PTPRD: variants seen among roughly 807,000 people sequenced by gnomAD.
The protein encoded by PTPRD is protein tyrosine phosphatase receptor type D, also known as receptor-type tyrosine-protein phosphatase delta.
PTPRD carries 34 observed loss-of-function variants against 214.5 expected under a neutral mutation model. The ratio of observed to expected loss-of-function variants is 0.16; its 90% confidence interval spans 0.12 to 0.21. The LOEUF (loss-of-function observed/expected upper bound fraction) is 0.21, where lower values mean the gene tolerates loss of function less well. Ranked by LOEUF, PTPRD falls within the 10% of genes least tolerant of loss-of-function variation. The pLI, the probability that PTPRD is intolerant of heterozygous loss-of-function variation, is 1.00. For missense variants in PTPRD, 2,545 were observed against 2,398.7 expected (o/e 1.06, Z -1.27); for synonymous variants, 1,128 against 845.7 (o/e 1.33, Z -5.79).
intron 3 of PTPRD, among the ~76,000 whole-genome samples, chr9:10,200,644 C>T (rs1244191665): frequency 1.3e-5 from 2 of 151,974 alleles, no homozygotes; most frequent in African/African-American, 4.8e-5. Flanking sequence ...AACAGAATCA[C>T]AAAGACATAT....
At chr9:10,598,711 GGTGTGTGTGTGTGTGTGT>G (rs34859013) in intron 2 of PTPRD, among the ~76,000 whole-genome samples, 1 of 137,076 alleles carries the variant, frequency 7.3e-6, no homozygotes, top group Admixed American at 7.8e-5. Context: ...TGTGGTGTGT[GGTGTGTGTGTGTGTGTGT>G]GTGTAGATGG....
intron 3 of PTPRD, among the ~76,000 whole-genome samples, chr9:10,105,726 AT>A (rs1318518157): frequency 6.6e-6 from 1 of 151,840 alleles, no homozygotes; most frequent in African/African-American, 2.4e-5. Flanking sequence ...ATATTATTGT[AT>A]ATAAGAAGCT....
At chr9:8,500,583 A>AAAAAAAAAAG (rs1563868169) in intron 24 of PTPRD, among the ~76,000 whole-genome samples, 171 bp downstream of exon 24, 7 of 146,318 alleles carry the variant, frequency 4.8e-5, no homozygotes, top group South Asian at 2.2e-4. Flanking sequence ...AAAAAAAAAA[A>AAAAAAAAAAG]AAAAAAAGGC....
intron 12 of PTPRD, among the ~76,000 whole-genome samples, chr9:8,694,832 G>C (rs1203923353): frequency 2.0e-5 from 3 of 151,684 alleles, no homozygotes; most frequent in Admixed American, 1.3e-4. Flanking sequence ...CTTCTTTGTT[G>C]TTCTCTTTCT....
At chr9:8,432,530 C>T (rs557234903) in intron 35 of PTPRD, among the ~76,000 whole-genome samples, 4 of 152,268 alleles carry the variant, frequency 2.6e-5, no homozygotes, top group Admixed American at 6.5e-5. Flanking sequence ...AAATTAGCTT[C>T]GTGCATCTTA....
chr9:9,784,553 G>T (rs1037474439), intron 5 of PTPRD, among the ~76,000 whole-genome samples: 23 of 151,882 alleles, frequency 1.5e-4, no homozygotes, highest in Non-Finnish European at 1.3e-4. Context: ...CCATAAGGGA[G>T]CTCTAAAGTC....
intron 3 of PTPRD, among the ~76,000 whole-genome samples, chr9:10,246,100 A>T (rs1192890200): frequency 6.6e-6 from 1 of 152,146 alleles, no homozygotes. Context: ...ATACTTCACA[A>T]TAATGGTTAA....
chr9:8,560,299 A>G (rs2085654231), intron 14 of PTPRD, among the ~76,000 whole-genome samples: 1 of 152,184 alleles, frequency 6.6e-6, no homozygotes, highest in South Asian at 2.1e-4. Flanking sequence ...AAGAGATAAC[A>G]TGATCTATCT....
At chr9:9,275,584 G>T (rs1945295040) in intron 9 of PTPRD, among the ~76,000 whole-genome samples, 2 of 151,152 alleles carry the variant, frequency 1.3e-5, no homozygotes, top group Non-Finnish European at 3.0e-5. Context: ...TTCTGCTTAG[G>T]TTGGTCTAGA....
intron 3 of PTPRD, among the ~76,000 whole-genome samples, chr9:10,034,265 T>A (rs547125788): frequency 6.6e-6 from 1 of 152,252 alleles, no homozygotes; most frequent in East Asian, 1.9e-4. Context: ...AAGTTAAAAC[T>A]AAATTTATCA....
intron 11 of PTPRD, among the ~76,000 whole-genome samples, chr9:8,760,556 A>C (rs561817507): frequency 6.7e-6 from 1 of 149,770 alleles, no homozygotes; most frequent in South Asian, 2.1e-4. Flanking sequence ...GAAATGGAGA[A>C]CTCAGTGTGC....
chr9:8,382,547 T>C (rs1041562496), intron 37 of PTPRD, among the ~76,000 whole-genome samples: 3 of 152,224 alleles, frequency 2.0e-5, no homozygotes, highest in Admixed American at 6.5e-5. Flanking sequence ...GGAAAGAAGG[T>C]AGATAATCCA....
intron 9 of PTPRD, among the ~76,000 whole-genome samples, chr9:9,327,222 G>A (rs1355428886): frequency 6.6e-6 from 1 of 152,080 alleles, no homozygotes; most frequent in Admixed American, 6.6e-5. Flanking sequence ...AATCCCATAT[G>A]TAAACAACAA....
chr9:9,158,506 G>C (rs542043996), intron 10 of PTPRD, among the ~76,000 whole-genome samples: 5 of 151,982 alleles, frequency 3.3e-5, no homozygotes, highest in Non-Finnish European at 7.4e-5. Flanking sequence ...AGGCTGAGGC[G>C]GGAGAATTGC....
chr9:10,356,249 A>C (rs926502539), intron 2 of PTPRD, among the ~76,000 whole-genome samples: 6 of 152,144 alleles, frequency 3.9e-5, no homozygotes, highest in African/African-American at 1.4e-4. Context: ...TGGTGAAGAC[A>C]GTGCCTCAAG....
chr9:10,329,189 G>A (rs1285909538), intron 3 of PTPRD, among the ~76,000 whole-genome samples: 2 of 151,574 alleles, frequency 1.3e-5, no homozygotes, highest in African/African-American at 2.4e-5. Flanking sequence ...CAATGATAAG[G>A]TCTTAACTTA....
At chr9:9,688,248 C>G (rs1013686279) in intron 7 of PTPRD, among the ~76,000 whole-genome samples, 3 of 151,796 alleles carry the variant, frequency 2.0e-5, no homozygotes, top group African/African-American at 4.8e-5. Context: ...CCTTTTAAAA[C>G]CAAAATCCTA....
intron 3 of PTPRD, among the ~76,000 whole-genome samples, chr9:10,142,259 C>T (rs1449283406): frequency 6.6e-6 from 1 of 151,038 alleles, no homozygotes; most frequent in East Asian, 1.9e-4. Flanking sequence ...GCAACAAAAG[C>T]CAAAATTGAC....
intron 9 of PTPRD, among the ~76,000 whole-genome samples, chr9:9,233,322 G>A (rs1003413617): frequency 2.0e-5 from 3 of 152,014 alleles, no homozygotes; most frequent in African/African-American, 7.3e-5. Context: ...AGAACAATAT[G>A]GGGGTAACTG....
Sources: allele counts gnomAD v4.1 joint callset (sites outside exome capture counted in the v4.1 genomes callset), GRCh38; gene constraint gnomAD v4.1.1; transcripts MANE v1.5; gene names NCBI Gene and HGNC (gene_info 2026-07-23, HGNC 2026-07-21).